The following QKI variants were observed in gnomAD, a reference collection of about 807,000 sequenced individuals.
QKI encodes the protein KH domain-containing RNA-binding protein QKI.
QKI carries 10 observed loss-of-function variants against 39.0 expected under a neutral mutation model. The observed-to-expected ratio is 0.26, with a 90% confidence interval of 0.16 to 0.43. The LOEUF is 0.43. Among genes scored for constraint, QKI ranks in the 20% least tolerant of loss-of-function variants. QKI has a pLI of 1.00. For synonymous variants in QKI, 204 were observed against 155.4 expected, an observed-to-expected ratio of 1.31 and a Z score of -2.33; for missense variants, 218 against 428.0, an observed-to-expected ratio of 0.51 and a Z score of 4.33.
At chr6:163,564,021 T>C (rs1783197031) in intron 6 of QKI, 1 of 1,187,840 alleles carries the variant, frequency 8.4e-7, no homozygotes, top group African/African-American at 1.6e-5. Context: ...GAGTTTTAGG[T>C]CCCACCCCAT....
chr6:163,494,333 C>T (rs917188669), intron 3 of QKI, among the ~76,000 whole-genome samples: 1 of 152,192 alleles, frequency 6.6e-6, no homozygotes, highest in African/African-American at 2.4e-5. Context: ...GGTAGGGAGG[C>T]GGTCCTGGGA....
At chr6:163,457,533 T>C (rs373069873) in intron 2 of QKI, 24 of 446,648 alleles carry the variant, frequency 5.4e-5, no homozygotes, top group Admixed American at 7.2e-5. Flanking sequence ...TCCATACTTA[T>C]TGAATCAGAA....
At chr6:163,488,334 AAAAAG>A (rs1407498827) in intron 3 of QKI, among the ~76,000 whole-genome samples, 1 of 152,262 alleles carries the variant, frequency 6.6e-6, no homozygotes, top group African/African-American at 2.4e-5. Context: ...AGTGACAAAA[AAAAAG>A]AGAGAGAGAG....
At chr6:163,551,651 C>T (rs1010604410) in intron 4 of QKI, among the ~76,000 whole-genome samples, 15 of 152,116 alleles carry the variant, frequency 9.9e-5, no homozygotes, top group African/African-American at 3.6e-4. Flanking sequence ...AGTTTTCTAC[C>T]GCTACTCTTC....
intron 3 of QKI, among the ~76,000 whole-genome samples, chr6:163,512,280 G>A (rs1279621632): frequency 6.6e-6 from 1 of 151,958 alleles, no homozygotes; most frequent in Non-Finnish European, 1.5e-5. Flanking sequence ...CAAACAAGCC[G>A]AAGATGTTTG....
At chr6:163,485,209 G>A (rs903066456) in intron 3 of QKI, among the ~76,000 whole-genome samples, 7 of 152,186 alleles carry the variant, frequency 4.6e-5, no homozygotes, top group African/African-American at 9.7e-5. Context: ...GAGATCGGGT[G>A]CATTCAGTAT....
Position 163,530,456 on chromosome 6 carries a change from C to G in QKI, c.403-4526C>G, listed in dbSNP as rs73246627. ...TTTGGGGTGTGTTTTATTGATTTCT[C>G]TATAAAATTTGCCAATCCCAGATTG... On this transcript the variant is annotated intron_variant, in intron 3 of 7. Transcript: ENST00000361752. Among the ~76,000 whole-genome samples, 71 of 152,260 alleles carry G rather than the reference C, an allele frequency of 4.7e-4. 1 individual carries two copies. The highest frequency in any genetic ancestry group is 1.6e-3 in the African/African-American group (68 of 41,532).
chr6:163,523,610 A>G (rs892108958), intron 3 of QKI, among the ~76,000 whole-genome samples: 1 of 152,214 alleles, frequency 6.6e-6, no homozygotes, highest in African/African-American at 2.4e-5. Context: ...ATATATGTTG[A>G]GAAACTAGTA....
At chr6:163,520,419 A>T (rs1780076514) in intron 3 of QKI, among the ~76,000 whole-genome samples, 1 of 152,050 alleles carries the variant, frequency 6.6e-6, no homozygotes, top group South Asian at 2.1e-4. Context: ...GAAGTTCAGG[A>T]TTTTTTTTAA....
chr6:163,473,013 G>T (rs1744929), intron 2 of QKI, among the ~76,000 whole-genome samples: 12,719 of 152,046 alleles, frequency 0.084, 628 homozygotes, highest in African/African-American at 0.12. Context: ...AATAAATGAA[G>T]AGTAGAAATC....
intron 3 of QKI, among the ~76,000 whole-genome samples, chr6:163,523,051 T>C (rs1583157763): frequency 6.6e-6 from 1 of 152,322 alleles, no homozygotes; most frequent in East Asian, 1.9e-4. Flanking sequence ...AATCCTAATA[T>C]ATAACATTAG....
intron 6 of QKI, chr6:163,564,901 T>C (rs1053887880): frequency 1.2e-4 from 166 of 1,375,846 alleles, no homozygotes; most frequent in Admixed American, 5.2e-4. Flanking sequence ...AGGTTTTTTT[T>C]CCCCAGCATT....
intron 3 of QKI, among the ~76,000 whole-genome samples, chr6:163,524,006 A>G (rs1046605403): frequency 6.6e-6 from 1 of 152,224 alleles, no homozygotes; most frequent in Non-Finnish European, 1.5e-5. Context: ...AGTAGGTAGT[A>G]TTTGAACTCA....
At chr6:163,543,048 C>G (rs977111998) in intron 4 of QKI, among the ~76,000 whole-genome samples, 17 of 152,044 alleles carry the variant, frequency 1.1e-4, no homozygotes, top group African/African-American at 3.9e-4. Context: ...CTGCCATATG[C>G]ATTTGACTCA....
chr6:163,465,718 A>C (rs1451988605), intron 2 of QKI, among the ~76,000 whole-genome samples: 1 of 152,148 alleles, frequency 6.6e-6, no homozygotes, highest in East Asian at 1.9e-4. Context: ...TGTATGTAGA[A>C]AAACCCAAGA....
chr6:163,426,545 GAAGGTGCCCCATCGACCA>G (rs539741844), intron 1 of QKI, among the ~76,000 whole-genome samples: 3 of 152,226 alleles, frequency 2.0e-5, no homozygotes, highest in East Asian at 1.9e-4. Context: ...CTTGGAACCA[GAAGGTGCCCCATCGACCA>G]AAGGTGCCCC....
intron 4 of QKI, among the ~76,000 whole-genome samples, chr6:163,544,092 C>T (rs996667509): frequency 3.9e-5 from 6 of 151,970 alleles, no homozygotes; most frequent in Non-Finnish European, 4.4e-5. Context: ...TCAGGTTGCA[C>T]GTAACTACAA....
chr6:163,513,908 AG>A (rs1219476174), intron 3 of QKI, among the ~76,000 whole-genome samples: 8 of 152,094 alleles, frequency 5.3e-5, no homozygotes, highest in Non-Finnish European at 1.0e-4. Context: ...TGGTGTGCAC[AG>A]GGTAATGCAG....
At chr6:163,467,503 TTTTTG>T (rs1791856608) in intron 2 of QKI, among the ~76,000 whole-genome samples, 1 of 152,218 alleles carries the variant, frequency 6.6e-6, no homozygotes, top group Admixed American at 6.5e-5. Context: ...CAGCTTTAAA[TTTTTG>T]TTTTGTTTTT....
Sources: gnomAD v4.1 joint callset for allele counts (sites outside exome capture counted in the v4.1 genomes callset) on GRCh38, gnomAD v4.1.1 for gene constraint, MANE v1.5 for transcripts, NCBI Gene and HGNC (gene_info 2026-07-23, HGNC 2026-07-21) for gene names.